XKR4: variants seen among roughly 807,000 people sequenced by gnomAD.
XKR4 encodes XK-related protein 4.
A neutral mutation model predicts 53.9 loss-of-function variants in XKR4; 12 were observed. That is an observed-to-expected ratio of 0.22 (90% CI 0.14 to 0.36). XKR4 has a LOEUF of 0.36. XKR4 is among the 10% of genes least tolerant of loss of function. The pLI, the probability that XKR4 is intolerant of heterozygous loss-of-function variation, is 1.00. For missense variants in XKR4, 799 were observed against 859.5 expected, an observed-to-expected ratio of 0.93 and a Z score of 0.88; for synonymous variants, 354 against 362.4, an observed-to-expected ratio of 0.98 and a Z score of 0.26.
At chr8:55,246,875 G>C (rs1456632288) in intron 1 of XKR4, among the ~76,000 whole-genome samples, 1 of 152,114 alleles carries the variant, frequency 6.6e-6, no homozygotes, top group Non-Finnish European at 1.5e-5. Context: ...AGCTCCCAGA[G>C]AGTCGTGGAG....
intron 1 of XKR4, among the ~76,000 whole-genome samples, chr8:55,153,250 T>C (rs2129355956): frequency 1.3e-5 from 2 of 152,340 alleles, no homozygotes; most frequent in South Asian, 4.1e-4. Context: ...TTGGTCCAAC[T>C]GAGTTATAGA....
intron 2 of XKR4, among the ~76,000 whole-genome samples, chr8:55,503,988 G>C (rs963071300): frequency 6.6e-5 from 10 of 151,996 alleles, no homozygotes; most frequent in African/African-American, 2.4e-4. Flanking sequence ...CCTCCATTCT[G>C]TTAATGTGCT....
chr8:55,469,335 G>T (rs143668599), intron 2 of XKR4, among the ~76,000 whole-genome samples: 1 of 152,144 alleles, frequency 6.6e-6, no homozygotes, highest in African/African-American at 2.4e-5. Flanking sequence ...GTCTCAGTCT[G>T]GCTTTTCACA....
chr8:55,121,392 G>A (rs1031977473), intron 1 of XKR4, among the ~76,000 whole-genome samples: 7 of 152,212 alleles, frequency 4.6e-5, no homozygotes, highest in African/African-American at 1.7e-4. Flanking sequence ...CAACAGAGTA[G>A]TGAACCAGGG....
chr8:55,455,260 C>A (rs1805549353), intron 2 of XKR4: 2 of 167,120 alleles, frequency 1.2e-5, no homozygotes, highest in South Asian at 3.3e-4. Flanking sequence ...GCGGCCGCAG[C>A]GGCTGCGGCT....
At chr8:55,250,061 AAT>A (rs1791873577) in intron 1 of XKR4, among the ~76,000 whole-genome samples, 1 of 152,184 alleles carries the variant, frequency 6.6e-6, no homozygotes, top group African/African-American at 2.4e-5. Flanking sequence ...TATCCACTAA[AAT>A]CTTAATGGAA....
At chr8:55,265,903 TG>T (rs1196322383) in intron 1 of XKR4, among the ~76,000 whole-genome samples, 10 of 151,904 alleles carry the variant, frequency 6.6e-5, no homozygotes, top group Admixed American at 1.3e-4. Flanking sequence ...GAGAATCGCT[TG>T]AACCTGGGAG....
intron 1 of XKR4, among the ~76,000 whole-genome samples, chr8:55,349,770 A>C (rs1163752136): frequency 6.6e-6 from 1 of 152,220 alleles, no homozygotes; most frequent in Non-Finnish European, 1.5e-5. Flanking sequence ...ATAATACATA[A>C]GGGTTTAAGA....
In XKR4 at chr8:55,383,058, C is replaced by T. The variant is rs1490027191; in HGVS notation, c.1006+25181C>T. On this transcript the variant is annotated intron_variant, in intron 2 of 2. Transcript: ENST00000327381. ...TGAAACCCCGTTTCTACTAAAAATA[C>T]AAAAATTAGCCGGGTGTGGTGGTGC... is the stretch of plus-strand genomic sequence containing the variant. Among the ~76,000 whole-genome samples the T allele has an allele frequency of 2.0e-5, 3 of 152,120 alleles. No individual in the cohort carries two copies. In the East Asian group the frequency reaches 5.8e-4, roughly 29 times the overall value.
chr8:55,294,146 A>T (rs191750019), intron 1 of XKR4, among the ~76,000 whole-genome samples: 15 of 152,304 alleles, frequency 9.8e-5, no homozygotes, highest in Non-Finnish European at 1.9e-4. Flanking sequence ...TACAATTCTG[A>T]TAATTGTCTC....
At chr8:55,226,014 C>T (rs1817947356) in intron 1 of XKR4, among the ~76,000 whole-genome samples, 1 of 152,166 alleles carries the variant, frequency 6.6e-6, no homozygotes, top group South Asian at 2.1e-4. Context: ...CGTCCCTGAC[C>T]AGGGTGCCCA....
At chr8:55,377,531 C>G (rs6473982) in intron 2 of XKR4, among the ~76,000 whole-genome samples, 1 of 152,006 alleles carries the variant, frequency 6.6e-6, no homozygotes, top group African/African-American at 2.4e-5. Context: ...TGAGGAATAC[C>G]TCACTGCTTT....
chr8:55,457,146 C>CTTTTCTTTTTTTTTTTTTTTTTTT (rs533607534), intron 2 of XKR4, among the ~76,000 whole-genome samples: 2 of 137,264 alleles, frequency 1.5e-5, no homozygotes, highest in Non-Finnish European at 3.1e-5. Context: ...TTTTCCTTTT[C>CTTTTCTTTTTTTTTTTTTTTTTTT]TTTTTTTTTT....
At chr8:55,165,037 G>A (rs562638886) in intron 1 of XKR4, among the ~76,000 whole-genome samples, 4 of 152,308 alleles carry the variant, frequency 2.6e-5, no homozygotes, top group African/African-American at 9.6e-5. Context: ...GTGGCAGAAA[G>A]GAAGTAGAAT....
intron 2 of XKR4, among the ~76,000 whole-genome samples, chr8:55,480,786 C>CA (rs1233490649): frequency 7.1e-6 from 1 of 141,290 alleles, no homozygotes; most frequent in African/African-American, 3.0e-5. Context: ...CATGAGTGAA[C>CA]TCCCATTCAC....
At chr8:55,349,028 A>G (rs902413456) in intron 1 of XKR4, among the ~76,000 whole-genome samples, 2 of 152,192 alleles carry the variant, frequency 1.3e-5, no homozygotes, top group Non-Finnish European at 2.9e-5. Flanking sequence ...GGAAAATCCA[A>G]AGATTAAGGT....
chr8:55,376,973 CACAG>C (rs1374921033), intron 2 of XKR4, among the ~76,000 whole-genome samples: 4 of 151,304 alleles, frequency 2.6e-5, no homozygotes, highest in African/African-American at 2.4e-5. Context: ...CACACACACA[CACAG>C]AGAGAGAGAG....
chr8:55,163,427 G>C (rs917956615), intron 1 of XKR4, among the ~76,000 whole-genome samples: 94 of 152,118 alleles, frequency 6.2e-4, no homozygotes, highest in Admixed American at 6.1e-3. Flanking sequence ...GAGCTGCGTG[G>C]TTCCATATAG....
chr8:55,452,733 G>T (rs1585581211), intron 2 of XKR4: 9 of 941,998 alleles, frequency 9.6e-6, no homozygotes, highest in Middle Eastern at 2.1e-4. Flanking sequence ...TACATTGCAG[G>T]TCTCTCTGTC....
Sources: allele counts gnomAD v4.1 joint callset (sites outside exome capture counted in the v4.1 genomes callset), GRCh38; gene constraint gnomAD v4.1.1; transcripts MANE v1.5; gene names NCBI Gene and HGNC (gene_info 2026-07-23, HGNC 2026-07-21).